Variants in MTCL1 observed in about 807,000 individuals in gnomAD.
MTCL1 encodes the protein microtubule cross-linking factor 1.
Under a neutral mutation model 141.4 loss-of-function variants are expected in MTCL1, and 79 were observed. That is an observed-to-expected ratio of 0.56 (90% CI 0.47 to 0.67). The LOEUF is 0.67. MTCL1 is among the 30% of genes least tolerant of loss of function. The pLI is 0.00. For synonymous variants in MTCL1, 914 were observed against 875.8 expected, an observed-to-expected ratio of 1.04 and a Z score of -0.77; for missense variants, 2,177 against 2,113.9, an observed-to-expected ratio of 1.03 and a Z score of -0.59.
At position 8,718,407 on chromosome 18, in the gene MTCL1, C is replaced by G. The variant is rs571411303; in HGVS notation, c.-27-17C>G. On this transcript the variant is annotated splice_polypyrimidine_tract_variant and intron_variant, in intron 2 of 16. Transcript: ENST00000359865. ...GATGTACTTGGCTCATAAATCTTCT[C>G]TGTCTGATTTGCATAGGATGAGTTA... The G allele has an allele frequency of 1.9e-5, 31 of 1,611,072 alleles. No individual in the cohort carries two copies. The highest frequency in any genetic ancestry group is 2.4e-5 in the Non-Finnish European group (28 of 1,177,496).
intron 12 of MTCL1, among the ~76,000 whole-genome samples, chr18:8,813,651 ATTG>A (rs974342281): frequency 6.6e-6 from 1 of 152,240 alleles, no homozygotes; most frequent in Non-Finnish European, 1.5e-5. Context: ...CTTGAATGGA[ATTG>A]TTGTCATTAG....
At chr18:8,795,124 A>T (rs2075871092) in intron 8 of MTCL1, among the ~76,000 whole-genome samples, 1 of 152,224 alleles carries the variant, frequency 6.6e-6, no homozygotes, top group Non-Finnish European at 1.5e-5. Flanking sequence ...AAGGTCAGGT[A>T]TTAGGTGAGC....
exon 15 of MTCL1, chr18:8,825,083 C>T (rs148702862): frequency 2.2e-4 from 361 of 1,610,040 alleles, no homozygotes; most frequent in South Asian, 1.1e-3. Flanking sequence ...CGGGGTTGCG[C>T]GTGTTACACA....
chr18:8,780,234 G>C (rs2096528149), intron 5 of MTCL1, among the ~76,000 whole-genome samples: 1 of 152,226 alleles, frequency 6.6e-6, no homozygotes, highest in Non-Finnish European at 1.5e-5. Flanking sequence ...GGAGGGACCA[G>C]GCAGAGTGGG....
At chr18:8,806,007 A>G (rs758724891) in intron 10 of MTCL1, among the ~76,000 whole-genome samples, 17 of 152,200 alleles carry the variant, frequency 1.1e-4, no homozygotes, top group Non-Finnish European at 2.4e-4. Context: ...AAACCATTTT[A>G]AGTTAGATAT....
At chr18:8,817,281 G>A (rs376458147) in intron 12 of MTCL1, among the ~76,000 whole-genome samples, 1,794 of 82,246 alleles carry the variant, frequency 0.022, 37 homozygotes, top group African/African-American at 0.073. Flanking sequence ...TTTAAAGAAA[G>A]CAGTTAGCAT....
chr18:8,783,392 G>A, intron 5 of MTCL1, 138 bp from the exon 5 acceptor site: 1 of 836,018 alleles, frequency 1.2e-6, no homozygotes, highest in South Asian at 1.9e-5. Context: ...GTTTCTCTAT[G>A]TAACTCAGCG....
Position 8,819,265 on chromosome 18 carries a change from C to T in MTCL1, c.3156+6C>T. On this transcript the variant is annotated splice_donor_region_variant and intron_variant, in intron 13 of 16. Transcript: ENST00000359865. ...TCAGGAACCGCCTCCCTGAGGTCAG[C>T]CAGGTTTTGTCCATCCTAGTTAACC... The T allele has an allele frequency of 6.2e-7, 1 of 1,613,450 alleles. No individual in the cohort carries two copies.
chr18:8,722,397 A>G (rs1320012903), intron 4 of MTCL1, among the ~76,000 whole-genome samples: 1 of 152,180 alleles, frequency 6.6e-6, no homozygotes, highest in African/African-American at 2.4e-5. Context: ...TGTTTCTTAA[A>G]GAAAAAAAGA....
exon 17 of MTCL1, chr18:8,832,091 A>G (rs2077208299): frequency 2.6e-6 from 1 of 388,958 alleles, no homozygotes. Flanking sequence ...TAAGGTATAA[A>G]TAGATTTAAA....
chr18:8,766,450 G>C (rs1237282174), intron 4 of MTCL1, among the ~76,000 whole-genome samples: 1 of 152,200 alleles, frequency 6.6e-6, no homozygotes, highest in Non-Finnish European at 1.5e-5. Context: ...GCGCCCCAGT[G>C]GGGACTTGCA....
chr18:8,715,694 G>A (rs1395946616), upstream of MTCL1, among the ~76,000 whole-genome samples: 2 of 152,110 alleles, frequency 1.3e-5, no homozygotes, highest in Non-Finnish European at 2.9e-5. Flanking sequence ...GTTGATTTTT[G>A]AAGATTCAGA....
intron 4 of MTCL1, among the ~76,000 whole-genome samples, chr18:8,721,663 C>T (rs971731849): frequency 6.6e-6 from 1 of 152,172 alleles, no homozygotes; most frequent in Non-Finnish European, 1.5e-5. Context: ...TGAAAGTTGT[C>T]CCCATCTCCA....
chr18:8,720,633 T>C (rs1031093084), intron 4 of MTCL1, 137 bp downstream of exon 3: 3 of 814,506 alleles, frequency 3.7e-6, no homozygotes, highest in Non-Finnish European at 5.6e-6. Flanking sequence ...ATAAGTTAGA[T>C]TGTTTTTACA....
chr18:8,762,729 C>T (rs915477890), intron 4 of MTCL1, among the ~76,000 whole-genome samples: 20 of 152,148 alleles, frequency 1.3e-4, no homozygotes, highest in Non-Finnish European at 2.2e-4. Context: ...GACATCGGCA[C>T]ACACAGCATG....
At chr18:8,770,540 G>C (rs1285012729) in intron 4 of MTCL1, among the ~76,000 whole-genome samples, 1 of 152,168 alleles carries the variant, frequency 6.6e-6, no homozygotes, top group African/African-American at 2.4e-5. Flanking sequence ...ATCCCATTGT[G>C]GGGGTTCCAC....
At chr18:8,813,897 T>A (rs2076568886) in intron 12 of MTCL1, among the ~76,000 whole-genome samples, 1 of 152,224 alleles carries the variant, frequency 6.6e-6, no homozygotes, top group Admixed American at 6.5e-5. Flanking sequence ...TAGAACAGTT[T>A]GCATAGTTGC....
Position 8,786,116 on chromosome 18 carries a change from C to CG in MTCL1, c.1887+25_1887+26insG, listed in dbSNP as rs780957228. 1.4e-4 allele frequency: 197 copies of CG among 1,393,690 alleles called. 3 individuals are homozygous for CG. In the East Asian group the frequency reaches 4.2e-3, roughly 30 times the overall value. The allele number at this position is 1,393,690 out of a possible 1,614,324, so 86.3% of individuals were successfully genotyped here. On this transcript the variant is annotated intron_variant, in intron 7 of 16. Coordinates refer to ENST00000359865, the Ensembl canonical transcript of MTCL1. ...GGTCAGCGTGGGCAAGCAATCCCCCCCCCCCGCCCTCCCCCTCCTTTTTCT... is the reference window on the plus strand; with the variant it reads ...GGTCAGCGTGGGCAAGCAATCCCCCCGCCCCCGCCCTCCCCCTCCTTTTTCT...
rs1440594226 is a variant in MTCL1, at chr18:8,826,875, C to A, written c.4722+643C>A. On this transcript the variant is annotated intron_variant, in intron 15 of 16. Coordinates refer to ENST00000359865, the Ensembl canonical transcript of MTCL1. ...TCATTATTGCCCTTGATATTACTCA[C>A]AAATCAATCCACTGTGAATTGGGTT... Among the ~76,000 whole-genome samples the A allele has an allele frequency of 2.0e-5, 3 of 152,248 alleles. No homozygotes were observed. The East Asian group carries it at 5.8e-4, about 29-fold the overall frequency.
Sources: gnomAD v4.1 joint callset for allele counts (sites outside exome capture counted in the v4.1 genomes callset) on GRCh38, gnomAD v4.1.1 for gene constraint, MANE v1.5 for transcripts, NCBI Gene and HGNC (gene_info 2026-07-23, HGNC 2026-07-21) for gene names.